PSMD1: variants seen among roughly 807,000 people sequenced by gnomAD.
PSMD1 encodes the protein proteasome 26S subunit, non-ATPase 1, also known as 26S proteasome non-ATPase regulatory subunit 1.
PSMD1 carries 18 observed loss-of-function variants against 119.0 expected under a neutral mutation model. The ratio of observed to expected loss-of-function variants is 0.15; its 90% CI spans 0.10 to 0.22. The LOEUF is 0.22. Among genes scored for constraint, PSMD1 ranks in the 10% least tolerant of loss-of-function variants. The pLI is 1.00. For synonymous variants in PSMD1, 374 were observed against 396.6 expected, an observed-to-expected ratio of 0.94 and a Z score of 0.68; for missense variants, 702 against 1,158.5, an observed-to-expected ratio of 0.61 and a Z score of 5.72.
intron 17 of PSMD1, among the ~76,000 whole-genome samples, chr2:231,140,947 T>C (rs1308319589): frequency 6.6e-6 from 1 of 152,116 alleles, no homozygotes; most frequent in Non-Finnish European, 1.5e-5. Flanking sequence ...GGCGGGTGGA[T>C]CACCTGAGAT....
chr2:231,064,824 C>G (rs1027195653), intron 4 of PSMD1, among the ~76,000 whole-genome samples: 1 of 152,010 alleles, frequency 6.6e-6, no homozygotes, highest in Non-Finnish European at 1.5e-5. Flanking sequence ...CACTACCACA[C>G]CTGGCTAATT....
chr2:231,115,393 T>C (rs1695295538), intron 16 of PSMD1, among the ~76,000 whole-genome samples: 1 of 152,164 alleles, frequency 6.6e-6, no homozygotes, highest in Admixed American at 6.6e-5. Context: ...TATGTGGCAT[T>C]CTGAATAAGA....
At chr2:231,074,095 G>A (rs1325186459) in intron 7 of PSMD1, among the ~76,000 whole-genome samples, 2 of 151,766 alleles carry the variant, frequency 1.3e-5, no homozygotes, top group Non-Finnish European at 2.9e-5. Flanking sequence ...TTCAATCTTA[G>A]GGGGATAGAA....
intron 21 of PSMD1, among the ~76,000 whole-genome samples, chr2:231,164,044 TA>T (rs1664771612): frequency 6.6e-6 from 1 of 152,196 alleles, no homozygotes; most frequent in South Asian, 2.1e-4. Flanking sequence ...TTTTTATTTT[TA>T]AAACTTTCAA....
chr2:231,122,440 A>G (rs540422686), intron 16 of PSMD1, among the ~76,000 whole-genome samples: 1 of 152,134 alleles, frequency 6.6e-6, no homozygotes, highest in Non-Finnish European at 1.5e-5. Flanking sequence ...TTATCTTCAT[A>G]TAAGTAAATA....
intron 16 of PSMD1, among the ~76,000 whole-genome samples, chr2:231,103,077 A>T (rs1694906477): frequency 6.6e-6 from 1 of 152,260 alleles, no homozygotes. Flanking sequence ...TTTCTTGAAC[A>T]TCCATTATGA....
intron 16 of PSMD1, among the ~76,000 whole-genome samples, chr2:231,115,860 C>G (rs147792739): frequency 2.4e-4 from 36 of 152,234 alleles, no homozygotes; most frequent in East Asian, 7.7e-4. Context: ...GGTCTCATCT[C>G]AGACCTACTG....
At position 231,109,491 on chromosome 2, in the gene PSMD1, A is replaced by G. The variant is rs1574736247; in HGVS notation, c.1883+22310A>G. 3 of 1,204,552 alleles carry G rather than the reference A, an allele frequency of 2.5e-6. No homozygotes were observed. The Admixed American group carries it at 5.3e-5, about 21-fold the overall frequency. 74.6% of individuals were successfully genotyped at this position (1,204,552 alleles called of 1,614,324 possible). On this transcript the variant is annotated intron_variant, in intron 16 of 24. Coordinates refer to ENST00000308696, the MANE Select transcript of PSMD1 (RefSeq NM_002807.4). ...TTAGATCCTTTTGGATTGTATCCTT[A>G]TAACTTTATGCTTGTTGGTGCATTA...
intron 18 of PSMD1, among the ~76,000 whole-genome samples, chr2:231,147,942 T>A (rs1696287511): frequency 1.3e-5 from 2 of 152,198 alleles, no homozygotes; most frequent in African/African-American, 2.4e-5. Flanking sequence ...TTTAAAAAAG[T>A]TCAAGTTCTA....
chr2:231,083,479 T>C, intron 13 of PSMD1, 88 bp from the exon 14 acceptor site: 4 of 1,371,982 alleles, frequency 2.9e-6, no homozygotes, highest in African/African-American at 1.4e-5. Context: ...TTTGATAGTT[T>C]ATGCAAAAAG....
At chr2:231,082,817 T>C in intron 12 of PSMD1, 66 bp from the exon 13 acceptor site, 1 of 1,192,868 alleles carries the variant, frequency 8.4e-7, no homozygotes, top group East Asian at 2.4e-5. Context: ...TATTTTGAAA[T>C]TAGAATAAAA....
chr2:231,079,622 A>G lies in PSMD1; in HGVS notation c.1239+8A>G. On this transcript the variant is annotated splice_region_variant and intron_variant, in intron 11 of 24. Transcript: ENST00000308696. ...TTGGGTGTAATTCATAAGGTAATAT[A>G]TATTGGTCAGTGTATACAGGCATCA... 6.3e-7 allele frequency: 1 copy of G among 1,583,588 alleles called. No homozygotes were observed. Among genetic ancestry groups the G allele is most frequent in the Non-Finnish European group, 8.6e-7 (1 of 1,159,406 alleles).
chr2:231,100,858 G>A (rs1237779003), intron 16 of PSMD1, among the ~76,000 whole-genome samples: 1 of 152,190 alleles, frequency 6.6e-6, no homozygotes, highest in East Asian at 1.9e-4. Flanking sequence ...GAAATCCACA[G>A]TGGGCACCAA....
chr2:231,145,376 G>C (rs1483547449), intron 17 of PSMD1, among the ~76,000 whole-genome samples: 1 of 152,142 alleles, frequency 6.6e-6, no homozygotes, highest in Non-Finnish European at 1.5e-5. Context: ...ACCCTGAATG[G>C]AACTTGTAGG....
At position 231,070,171 on chromosome 2, in the gene PSMD1, A is replaced by G. The variant is rs1353049679; in HGVS notation, c.654+3A>G. The G allele has an allele frequency of 8.5e-6, 13 of 1,525,028 alleles. No homozygotes were observed. Among genetic ancestry groups the G allele is most frequent in the African/African-American group, 1.4e-5 (1 of 71,578 alleles). The allele number at this position is 1,525,028 out of a possible 1,614,324, so 94.5% of individuals were successfully genotyped here. ...CTGATTTCATCAATGTTTGTCAGGTAATGACATTAAATTATGTTTCATTAC... is the reference window on the plus strand; with the variant it reads ...CTGATTTCATCAATGTTTGTCAGGTGATGACATTAAATTATGTTTCATTAC... On this transcript the variant is annotated splice_donor_region_variant and intron_variant, in intron 6 of 24. Coordinates refer to ENST00000308696, the MANE Select transcript of PSMD1 (RefSeq NM_002807.4).
chr2:231,088,643 G>A (rs1161643452), intron 16 of PSMD1, among the ~76,000 whole-genome samples: 2 of 152,178 alleles, frequency 1.3e-5, no homozygotes, highest in African/African-American at 4.8e-5. Flanking sequence ...CAATAAATGT[G>A]TGTTCTGACT....
At chr2:231,079,388 T>TA (rs1694252932) in intron 10 of PSMD1, 148 bp from the exon 11 acceptor site, 1 of 464,144 alleles carries the variant, frequency 2.2e-6, no homozygotes, top group South Asian at 5.9e-5. Context: ...ACTTAAGAGT[T>TA]AAAATAGAAT....
chr2:231,163,307 C>A, intron 20 of PSMD1: 1 of 212,146 alleles, frequency 4.7e-6, no homozygotes, highest in Non-Finnish European at 9.4e-6. Flanking sequence ...CAGGATAGAC[C>A]ATCAAATGCT....
Position 231,062,201 on chromosome 2 carries a change from G to A in PSMD1, c.61-47G>A, listed in dbSNP as rs750493682. 14 of 1,291,414 alleles carry A rather than the reference G, an allele frequency of 1.1e-5. No individual in the cohort carries two copies. The East Asian group carries it at 2.1e-4, about 19-fold the overall frequency. The allele number at this position is 1,291,414 out of a possible 1,614,324, so 80.0% of individuals were successfully genotyped here. On this transcript the variant is annotated intron_variant, in intron 2 of 24. Coordinates refer to ENST00000308696, the MANE Select transcript of PSMD1 (RefSeq NM_002807.4). ...GCTGAAAAGAATTTTTTAAGGAAGT[G>A]TAATGATAAGTCTATCTCAAAATAG...
Sources: gnomAD v4.1 joint callset for allele counts (sites outside exome capture counted in the v4.1 genomes callset) on GRCh38, gnomAD v4.1.1 for gene constraint, MANE v1.5 for transcripts, NCBI Gene and HGNC (gene_info 2026-07-23, HGNC 2026-07-21) for gene names.